Variants in SMYD3 observed in about 807,000 individuals in gnomAD.
SMYD3 encodes histone-lysine N-methyltransferase SMYD3.
SMYD3 carries 36 observed loss-of-function variants against 57.7 expected under a neutral mutation model. That is an observed-to-expected ratio of 0.62 (90% confidence interval 0.48 to 0.82). The LOEUF is 0.82. SMYD3 is among the 40% of genes least tolerant of loss of function. The pLI is 0.00. For synonymous variants in SMYD3, 211 were observed against 195.0 expected (o/e 1.08, Z -0.68); for missense variants, 515 against 538.8 (o/e 0.96, Z 0.44).
At chr1:246,365,823 G>A (rs910549155) in intron 1 of SMYD3, among the ~76,000 whole-genome samples, 1 of 152,140 alleles carries the variant, frequency 6.6e-6, no homozygotes, top group Non-Finnish European at 1.5e-5. Flanking sequence ...ATCGCCAAAA[G>A]CTGTCCAGCA....
At chr1:246,455,199 G>A (rs985004252) in intron 1 of SMYD3, among the ~76,000 whole-genome samples, 1 of 152,074 alleles carries the variant, frequency 6.6e-6, no homozygotes, top group African/African-American at 2.4e-5. Context: ...TGTAGGGAGA[G>A]AAAAAGTATT....
intron 8 of SMYD3, among the ~76,000 whole-genome samples, chr1:245,885,857 T>C (rs1291463008): frequency 1.3e-5 from 2 of 152,288 alleles, no homozygotes; most frequent in African/African-American, 2.4e-5. Flanking sequence ...AAAAAGTAGA[T>C]ATTCATTTAA....
intron 8 of SMYD3, among the ~76,000 whole-genome samples, chr1:245,899,120 A>AT (rs986152570): frequency 5.3e-5 from 8 of 152,316 alleles, no homozygotes; most frequent in African/African-American, 1.7e-4. Flanking sequence ...GGTGAGATGA[A>AT]TTTTCTAGGT....
At chr1:245,783,332 G>A (rs2046908031) in intron 10 of SMYD3, among the ~76,000 whole-genome samples, 1 of 152,152 alleles carries the variant, frequency 6.6e-6, no homozygotes, top group Non-Finnish European at 1.5e-5. Context: ...AAATACACTG[G>A]ATTGTGAGAA....
intron 8 of SMYD3, among the ~76,000 whole-genome samples, chr1:245,890,120 C>T (rs1056888716): frequency 6.6e-6 from 1 of 151,970 alleles, no homozygotes; most frequent in African/African-American, 2.4e-5. Flanking sequence ...CCTCAAACTA[C>T]GAAACTACTA....
chr1:246,162,576 G>A (rs1467067085), intron 5 of SMYD3, among the ~76,000 whole-genome samples: 1 of 152,128 alleles, frequency 6.6e-6, no homozygotes, highest in African/African-American at 2.4e-5. Context: ...CAATGCTGAG[G>A]AGTCCATGGT....
At chr1:246,448,018 A>AT (rs1435558031) in intron 1 of SMYD3, among the ~76,000 whole-genome samples, 1 of 152,180 alleles carries the variant, frequency 6.6e-6, no homozygotes, top group Non-Finnish European at 1.5e-5. Flanking sequence ...ATTTTAACTC[A>AT]TCCCTAAGAC....
At chr1:246,128,996 C>T (rs902213927) in intron 5 of SMYD3, among the ~76,000 whole-genome samples, 3 of 151,928 alleles carry the variant, frequency 2.0e-5, no homozygotes, top group Non-Finnish European at 2.9e-5. Context: ...CGGGGTTTTG[C>T]CATGTTACTC....
chr1:245,986,672 G>C (rs972499277), intron 5 of SMYD3, among the ~76,000 whole-genome samples: 1 of 152,152 alleles, frequency 6.6e-6, no homozygotes, highest in Non-Finnish European at 1.5e-5. Flanking sequence ...TCAAAGAACA[G>C]GAAGTCTCCA....
intron 5 of SMYD3, among the ~76,000 whole-genome samples, chr1:246,014,014 C>A (rs1333717380): frequency 6.6e-6 from 1 of 152,180 alleles, no homozygotes; most frequent in Non-Finnish European, 1.5e-5. Flanking sequence ...CTTTCATCAG[C>A]AATTTTGCAT....
chr1:245,762,109 G>A (rs1352876878), intron 11 of SMYD3, among the ~76,000 whole-genome samples: 2 of 152,140 alleles, frequency 1.3e-5, no homozygotes, highest in Non-Finnish European at 2.9e-5. Flanking sequence ...AGTAGTAGAA[G>A]TATTTGATCA....
Position 246,009,651 on chromosome 1 carries a change from A to C in SMYD3, c.532-79714T>G, listed in dbSNP as rs2059242373. Among the ~76,000 whole-genome samples, 7 of 152,110 alleles carry C rather than the reference A, an allele frequency of 4.6e-5. No individual in the cohort carries two copies. The South Asian group carries it at 1.2e-3, about 27-fold the overall frequency. ...AACACTGCAGATGGCCAGAGCCGTA[A>C]GGCAAGTCTCTCCAATCAGGTCTTA... On this transcript the variant is annotated intron_variant, in intron 5 of 11. Transcript: ENST00000490107.
intron 5 of SMYD3, among the ~76,000 whole-genome samples, chr1:246,149,988 G>A (rs1213129114): frequency 1.4e-4 from 21 of 152,190 alleles, no homozygotes. Context: ...GTACAAGCAA[G>A]TTAATTTAAT....
chr1:245,815,279 C>G (rs1275767638), intron 10 of SMYD3, among the ~76,000 whole-genome samples: 1 of 152,184 alleles, frequency 6.6e-6, no homozygotes, highest in African/African-American at 2.4e-5. Context: ...AGTGGCAGAG[C>G]CCAGAAGAGC....
chr1:246,458,613 A>ATTTTTTTTTTTT (rs74163446), intron 1 of SMYD3, among the ~76,000 whole-genome samples: 4 of 46,872 alleles, frequency 8.5e-5, no homozygotes, highest in Non-Finnish European at 1.1e-4. Context: ...CGCCTGGCTG[A>ATTTTTTTTTTTT]TTTTTTTTTT....
chr1:246,499,879 C>A (rs769693396), intron 1 of SMYD3, among the ~76,000 whole-genome samples: 35 of 152,142 alleles, frequency 2.3e-4, no homozygotes, highest in Non-Finnish European at 3.4e-4. Flanking sequence ...TTTTAAATCC[C>A]TATCAAATCC....
chr1:246,340,328 AATACAT>A (rs1572398126), intron 2 of SMYD3, among the ~76,000 whole-genome samples: 1 of 151,320 alleles, frequency 6.6e-6, no homozygotes, highest in East Asian at 1.9e-4. Context: ...AACAGTCTAA[AATACAT>A]ATATAGACAC....
At chr1:246,288,637 C>A (rs1374647820) in intron 5 of SMYD3, among the ~76,000 whole-genome samples, 1 of 151,918 alleles carries the variant, frequency 6.6e-6, no homozygotes, top group African/African-American at 2.4e-5. Flanking sequence ...CATGGAAGGA[C>A]AAGGAGGGGA....
intron 5 of SMYD3, among the ~76,000 whole-genome samples, chr1:246,101,074 T>C (rs1166503457): frequency 1.8e-5 from 2 of 110,192 alleles, no homozygotes; most frequent in Non-Finnish European, 3.4e-5. Context: ...GTTTTTTGTT[T>C]TTTTTTTTTT....
Sources: allele counts gnomAD v4.1 joint callset (sites outside exome capture counted in the v4.1 genomes callset), GRCh38; gene constraint gnomAD v4.1.1; transcripts MANE v1.5; gene names NCBI Gene and HGNC (gene_info 2026-07-23, HGNC 2026-07-21).